The following EFCAB6 variants were observed in gnomAD, a reference collection of about 807,000 sequenced individuals.
EFCAB6 encodes EF-hand calcium-binding domain-containing protein 6.
Under a neutral mutation model 169.8 loss-of-function variants are expected in EFCAB6, and 156 were observed. The ratio of observed to expected loss-of-function variants is 0.92; its 90% CI spans 0.81 to 1.05. EFCAB6 has a LOEUF of 1.05. Among genes scored for constraint, EFCAB6 ranks in the 50% least tolerant of loss-of-function variants. The pLI is 0.00. For synonymous variants in EFCAB6, 698 were observed against 676.4 expected (o/e 1.03, Z -0.50); for missense variants, 1,800 against 1,829.1 (o/e 0.98, Z 0.29).
At chr22:43,588,896 T>G (rs1041272429) in intron 24 of EFCAB6, among the ~76,000 whole-genome samples, 1 of 152,116 alleles carries the variant, frequency 6.6e-6, no homozygotes, top group African/African-American at 2.4e-5. Flanking sequence ...AATGTAGATC[T>G]AGAATGTGGA....
chr22:43,607,892 C>T (rs1326839682), intron 22 of EFCAB6, among the ~76,000 whole-genome samples: 1 of 152,184 alleles, frequency 6.6e-6, no homozygotes, highest in Admixed American at 6.5e-5. Context: ...CCAGGGAAGA[C>T]CATAACTGGG....
At chr22:43,686,365 T>G (rs1465476598) in intron 11 of EFCAB6, among the ~76,000 whole-genome samples, 1 of 152,228 alleles carries the variant, frequency 6.6e-6, no homozygotes, top group Admixed American at 6.5e-5. Flanking sequence ...ATGGCATTTG[T>G]GTCTTTTGGG....
chr22:43,549,408 T>C (rs1426757161), intron 27 of EFCAB6, among the ~76,000 whole-genome samples: 1 of 152,198 alleles, frequency 6.6e-6, no homozygotes, highest in Non-Finnish European at 1.5e-5. Context: ...ACACTATTAA[T>C]AATTTTACGC....
At chr22:43,566,093 T>C (rs2049404845) in intron 26 of EFCAB6, among the ~76,000 whole-genome samples, 1 of 151,810 alleles carries the variant, frequency 6.6e-6, no homozygotes, top group Non-Finnish European at 1.5e-5. Flanking sequence ...GCTACAGACC[T>C]CGCTGCCGGA....
chr22:43,608,437 C>T lies in EFCAB6; in HGVS notation c.2681+45G>A, dbSNP rs774278332. 10 of 1,572,890 alleles carry T rather than the reference C, an allele frequency of 6.4e-6. No homozygotes were observed. In the South Asian group the frequency reaches 8.9e-5, roughly 14 times the overall value. ...GCTGAATTTGCCACAGCAAGCACCCCTAGTCCATAAGAATGGAAACCAACC... is the reference window on the plus strand; with the variant it reads ...GCTGAATTTGCCACAGCAAGCACCCTTAGTCCATAAGAATGGAAACCAACC... On this transcript the variant is annotated intron_variant, in intron 22 of 31. Coordinates refer to ENST00000262726, the MANE Select transcript of EFCAB6 (RefSeq NM_022785.4).
intron 28 of EFCAB6, among the ~76,000 whole-genome samples, chr22:43,539,136 C>T (rs1311519357): frequency 4.0e-5 from 6 of 150,144 alleles, no homozygotes; most frequent in African/African-American, 1.5e-4. Context: ...CACCTGCTTA[C>T]TCCAGGATAC....
Position 43,672,230 on chromosome 22 carries a change from G to A in EFCAB6, c.1479+16C>T, listed in dbSNP as rs753343013. The A allele has an allele frequency of 3.1e-6, 5 of 1,613,970 alleles. No individual in the cohort carries two copies. The African/African-American group carries it at 5.3e-5, about 17-fold the overall frequency. Reference sequence around the variant, plus strand: ...TATAGGAAGGCATCCACACAAAGAAGGCAAGTGTTACTTACTGAATCCCAG... The same window carrying A: ...TATAGGAAGGCATCCACACAAAGAAAGCAAGTGTTACTTACTGAATCCCAG... On this transcript the variant is annotated intron_variant, in intron 14 of 31. Coordinates refer to ENST00000262726, the MANE Select transcript of EFCAB6 (RefSeq NM_022785.4).
intron 17 of EFCAB6, among the ~76,000 whole-genome samples, chr22:43,658,097 C>T (rs971411690): frequency 6.6e-6 from 1 of 151,924 alleles, no homozygotes; most frequent in South Asian, 2.1e-4. Context: ...GGTATGGTGG[C>T]GGGGACCTGT....
Position 43,530,887 on chromosome 22 carries a change from C to A in EFCAB6, c.4311G>T (p.Arg1437Ser). 1 of 1,614,236 alleles carries A rather than the reference C, an allele frequency of 6.2e-7. No individual in the cohort carries two copies. Among genetic ancestry groups the A allele is most frequent in the Non-Finnish European group, 8.5e-7 (1 of 1,180,056 alleles). Residue 1437 changes from arginine (R) to serine (S), a missense_variant, in exon 31 of 32, where the codon AGG (arginine) becomes AGT (serine). Coordinates refer to ENST00000262726, the MANE Select transcript of EFCAB6 (RefSeq NM_022785.4). ...AGCTTTTGAACGTGCGCCGCATTGG[C>A]CTCCAGCAGTGCACAATTTTGGGCT... The part of the protein sequence containing the change: ...RIQPKIVHCW[R>S]PMRRTFKSYD...
intron 22 of EFCAB6, among the ~76,000 whole-genome samples, chr22:43,602,305 AACAAGACAAC>A (rs1356258899): frequency 1.3e-5 from 2 of 152,244 alleles, no homozygotes; most frequent in Non-Finnish European, 2.9e-5. Flanking sequence ...CTTAAAACCC[AACAAGACAAC>A]ACAGCCTCAG....
chr22:43,533,996 T>TA (rs1400350655), intron 30 of EFCAB6, among the ~76,000 whole-genome samples: 2 of 152,216 alleles, frequency 1.3e-5, no homozygotes, highest in Non-Finnish European at 2.9e-5. Flanking sequence ...CTCATGCCTG[T>TA]AATCACAGAA....
intron 10 of EFCAB6, among the ~76,000 whole-genome samples, chr22:43,700,262 A>G (rs182274835): frequency 6.6e-6 from 1 of 152,290 alleles, no homozygotes; most frequent in Admixed American, 6.5e-5. Context: ...AGGGTTTAAA[A>G]TTTAAGCCCT....
At chr22:43,781,670 T>A in intron 3 of EFCAB6, among the ~76,000 whole-genome samples, 1 of 151,990 alleles carries the variant, frequency 6.6e-6, no homozygotes, top group East Asian at 1.9e-4. Flanking sequence ...ACTAATACAA[T>A]CTCCACCATC....
intron 23 of EFCAB6, among the ~76,000 whole-genome samples, chr22:43,596,577 C>T (rs990341307): frequency 9.9e-5 from 15 of 151,920 alleles, no homozygotes; most frequent in African/African-American, 1.9e-4. Context: ...AACTATGAAA[C>T]GCTGATGAAA....
chr22:43,773,249 G>A, intron 3 of EFCAB6, 146 bp from the exon 4 acceptor site: 1 of 768,028 alleles, frequency 1.3e-6, no homozygotes. Flanking sequence ...ACCGTTAGAT[G>A]ACTTGTAATG....
chr22:43,608,825 A>C (rs887903750), intron 21 of EFCAB6, among the ~76,000 whole-genome samples: 3 of 152,138 alleles, frequency 2.0e-5, no homozygotes, highest in African/African-American at 7.2e-5. Context: ...GTGGTTTCTG[A>C]GTTGCCTCAG....
Position 43,620,273 on chromosome 22 carries a change from C to T in EFCAB6, c.2466-4351G>A, listed in dbSNP as rs528404659. On this transcript the variant is annotated intron_variant, in intron 20 of 31. Transcript: ENST00000262726. ...GCAGTGAGCTGTGATCGCACCACCACGCTCCAGTCTGGGTGACAGAGTGAG... is the reference window on the plus strand; with the variant it reads ...GCAGTGAGCTGTGATCGCACCACCATGCTCCAGTCTGGGTGACAGAGTGAG... Among the ~76,000 whole-genome samples the T allele has an allele frequency of 1.3e-3, 192 of 151,928 alleles. 1 individual carries two copies. Among genetic ancestry groups the T allele is most frequent in the African/African-American group, 4.3e-3 (178 of 41,402 alleles).
At chr22:43,723,098 A>G (rs544593646) in intron 8 of EFCAB6, among the ~76,000 whole-genome samples, 2 of 152,322 alleles carry the variant, frequency 1.3e-5, no homozygotes, top group Admixed American at 1.3e-4. Context: ...TAGCAAGAGA[A>G]CTAGAATTAA....
At chr22:43,804,107 G>A (rs1430412702) in intron 2 of EFCAB6, among the ~76,000 whole-genome samples, 3 of 152,164 alleles carry the variant, frequency 2.0e-5, no homozygotes, top group Middle Eastern at 3.4e-3. Flanking sequence ...CAAAAAAGTA[G>A]AAATCATATC....
Sources: gnomAD v4.1 joint callset for allele counts (sites outside exome capture counted in the v4.1 genomes callset) on GRCh38, gnomAD v4.1.1 for gene constraint, MANE v1.5 for transcripts, NCBI Gene and HGNC (gene_info 2026-07-23, HGNC 2026-07-21) for gene names.